Variants in DGKB observed in about 807,000 individuals in gnomAD.
DGKB encodes 90 kDa diacylglycerol kinase.
A neutral mutation model predicts 114.3 loss-of-function variants in DGKB; 67 were observed. That is an observed-to-expected ratio of 0.59 (90% CI 0.48 to 0.72). DGKB has a LOEUF of 0.72. Among genes scored for constraint, DGKB ranks in the 30% least tolerant of loss-of-function variants. The probability of loss-of-function intolerance (pLI) is 0.00; values close to 1 mark genes in which losing one functional copy is unlikely to be tolerated. For synonymous variants in DGKB, 398 were observed against 323.1 expected, an observed-to-expected ratio of 1.23 and a Z score of -2.49; for missense variants, 907 against 975.2, an observed-to-expected ratio of 0.93 and a Z score of 0.93.
chr7:14,272,163 C>CTAT, intron 23 of DGKB, among the ~76,000 whole-genome samples: 1 of 152,192 alleles, frequency 6.6e-6, no homozygotes, highest in African/African-American at 2.4e-5. Context: ...TATTTATATG[C>CTAT]TATTTTTCAT....
At chr7:14,413,846 G>A (rs751870116) in intron 21 of DGKB, among the ~76,000 whole-genome samples, 52 of 152,204 alleles carry the variant, frequency 3.4e-4, no homozygotes, top group Admixed American at 8.5e-4. Flanking sequence ...TGGCTATAAA[G>A]AGGAGGAACA....
intron 2 of DGKB, among the ~76,000 whole-genome samples, chr7:14,832,195 C>T (rs1227123470): frequency 3.3e-5 from 5 of 151,964 alleles, no homozygotes; most frequent in African/African-American, 9.7e-5. Flanking sequence ...ACATAAGTTG[C>T]TGACGGCCAA....
At chr7:14,524,940 G>A (rs1019984367) in intron 20 of DGKB, among the ~76,000 whole-genome samples, 1 of 151,586 alleles carries the variant, frequency 6.6e-6, no homozygotes, top group Non-Finnish European at 1.5e-5. Flanking sequence ...TAGGAAAAAT[G>A]GCCTAATTTC....
At chr7:14,740,520 C>T (rs1405084212) in intron 4 of DGKB, among the ~76,000 whole-genome samples, 1 of 152,102 alleles carries the variant, frequency 6.6e-6, no homozygotes, top group Non-Finnish European at 1.5e-5. Flanking sequence ...GACAAGGAGG[C>T]AATTCTTTTG....
At chr7:14,524,737 C>T (rs1190927197) in intron 20 of DGKB, among the ~76,000 whole-genome samples, 1 of 132,666 alleles carries the variant, frequency 7.5e-6, no homozygotes, top group East Asian at 2.2e-4. Context: ...GCATGGATGA[C>T]AGAGTGAAGA....
intron 20 of DGKB, among the ~76,000 whole-genome samples, chr7:14,551,829 ATTT>A (rs961834545): frequency 1.3e-5 from 2 of 152,104 alleles, no homozygotes; most frequent in African/African-American, 4.8e-5. Context: ...TTATTTTAAC[ATTT>A]ATTATGGTTG....
chr7:14,261,093 T>A (rs988314023), intron 23 of DGKB, among the ~76,000 whole-genome samples: 1 of 152,120 alleles, frequency 6.6e-6, no homozygotes, highest in Admixed American at 6.5e-5. Context: ...CATAAAAAAA[T>A]TAATTGGGCA....
intron 21 of DGKB, among the ~76,000 whole-genome samples, chr7:14,433,625 G>C (rs1000597211): frequency 1.3e-5 from 2 of 152,076 alleles, no homozygotes; most frequent in African/African-American, 4.8e-5. Flanking sequence ...TTGCAGAGTA[G>C]ACACTTAATA....
At chr7:14,948,213 A>G (rs957731134) in intron 1 of DGKB, among the ~76,000 whole-genome samples, 2 of 151,814 alleles carry the variant, frequency 1.3e-5, no homozygotes, top group African/African-American at 4.8e-5. Flanking sequence ...AATCTGTACT[A>G]AGGGATAATT....
In DGKB at chr7:14,539,298, T is replaced by C. The variant is rs79091147; in HGVS notation, c.1770+34914A>G. Among the ~76,000 whole-genome samples, 22 of 152,294 alleles carry C rather than the reference T, an allele frequency of 1.4e-4. No homozygotes were observed. The East Asian group carries it at 3.9e-3, about 27-fold the overall frequency. ...ATTAATTATGTGTGGTTTCATATTTTTGTATACCAATTATTCCTCAAAGCT... is the reference window on the plus strand; with the variant it reads ...ATTAATTATGTGTGGTTTCATATTTCTGTATACCAATTATTCCTCAAAGCT... On this transcript the variant is annotated intron_variant, in intron 20 of 25. Coordinates refer to ENST00000402815, the MANE Select transcript of DGKB (RefSeq NM_001350709.2).
chr7:14,521,572 T>C (rs1789777612), intron 20 of DGKB, among the ~76,000 whole-genome samples: 1 of 152,202 alleles, frequency 6.6e-6, no homozygotes. Context: ...TCCGTTATTG[T>C]ACTTTTTCAT....
chr7:14,880,592 G>T lies in DGKB; in HGVS notation c.-188+22000C>A, dbSNP rs572545161. Among the ~76,000 whole-genome samples the T allele has an allele frequency of 1.6e-4, 25 of 152,294 alleles. No individual in the cohort carries two copies. The East Asian group carries it at 3.5e-3, about 21-fold the overall frequency. On this transcript the variant is annotated intron_variant, in intron 1 of 25. Coordinates refer to ENST00000402815, the MANE Select transcript of DGKB (RefSeq NM_001350709.2). ...GGAACTTACAAATGGAAGAGGTTTG[G>T]ATTGCATCCTCATGCCATAAGAAGC...
intron 4 of DGKB, among the ~76,000 whole-genome samples, chr7:14,737,141 C>T (rs6461124): frequency 0.063 from 9,537 of 152,024 alleles, 438 homozygotes; most frequent in Admixed American, 0.11. Flanking sequence ...GAGGAGAAGG[C>T]CAGTGGAGTG....
chr7:14,257,312 A>G (rs1796095196), intron 23 of DGKB, among the ~76,000 whole-genome samples: 1 of 152,138 alleles, frequency 6.6e-6, no homozygotes, highest in African/African-American at 2.4e-5. Context: ...TCAACAAAAC[A>G]CAGACATTTT....
intron 21 of DGKB, among the ~76,000 whole-genome samples, chr7:14,459,786 A>T (rs955626840): frequency 3.9e-5 from 6 of 152,118 alleles, no homozygotes; most frequent in African/African-American, 7.2e-5. Context: ...ACCCCAAGAC[A>T]CATAATCTTC....
intron 21 of DGKB, among the ~76,000 whole-genome samples, chr7:14,364,580 C>T (rs1397286438): frequency 1.3e-5 from 2 of 152,010 alleles, no homozygotes; most frequent in South Asian, 2.1e-4. Context: ...CATTGTAGCA[C>T]ATAATATATA....
intron 23 of DGKB, among the ~76,000 whole-genome samples, chr7:14,323,322 T>C (rs932302946): frequency 6.6e-6 from 1 of 152,146 alleles, no homozygotes; most frequent in East Asian, 1.9e-4. Context: ...CCGTGTTCTA[T>C]TTATTGATCA....
At chr7:14,516,376 T>C (rs1788798467) in intron 20 of DGKB, among the ~76,000 whole-genome samples, 1 of 152,350 alleles carries the variant, frequency 6.6e-6, no homozygotes, top group Non-Finnish European at 1.5e-5. Flanking sequence ...TAATACTTTC[T>C]TGCCTAGTTG....
chr7:14,406,164 T>C (rs1311157390), intron 21 of DGKB, among the ~76,000 whole-genome samples: 1 of 151,950 alleles, frequency 6.6e-6, no homozygotes, highest in Non-Finnish European at 1.5e-5. Flanking sequence ...CTCCATTCGT[T>C]ATATCACCAA....
Sources: gnomAD v4.1 joint callset for allele counts (sites outside exome capture counted in the v4.1 genomes callset) on GRCh38, gnomAD v4.1.1 for gene constraint, MANE v1.5 for transcripts, NCBI Gene and HGNC (gene_info 2026-07-23, HGNC 2026-07-21) for gene names.